Variants in MYO1D observed in about 807,000 individuals in gnomAD.
MYO1D encodes unconventional myosin-Id.
MYO1D carries 83 observed loss-of-function variants against 122.0 expected under a neutral mutation model. That is an observed-to-expected ratio of 0.68 (90% CI 0.57 to 0.82). The LOEUF is 0.82. Ranked by LOEUF, MYO1D falls within the 40% of genes least tolerant of loss-of-function variation. MYO1D has a pLI of 0.00. For missense variants in MYO1D, 1,157 were observed against 1,269.5 expected, an observed-to-expected ratio of 0.91 and a Z score of 1.35; for synonymous variants, 464 against 446.9, an observed-to-expected ratio of 1.04 and a Z score of -0.48.
At chr17:32,691,722 C>A (rs1276542277) in intron 16 of MYO1D, among the ~76,000 whole-genome samples, 2 of 152,144 alleles carry the variant, frequency 1.3e-5, no homozygotes, top group East Asian at 3.9e-4. Flanking sequence ...AAATTTCTTA[C>A]AACTAAAGTT....
chr17:32,754,601 T>C (rs560622981), intron 11 of MYO1D, among the ~76,000 whole-genome samples: 75 of 152,314 alleles, frequency 4.9e-4, no homozygotes, highest in Admixed American at 4.6e-3. Context: ...AGTTAGAAAA[T>C]AGACTTTATT....
chr17:32,839,275 C>T (rs1017388449), intron 1 of MYO1D, among the ~76,000 whole-genome samples: 9 of 151,948 alleles, frequency 5.9e-5, no homozygotes, highest in Non-Finnish European at 8.8e-5. Context: ...TACCTTGGTC[C>T]CAAGGAAGAA....
intron 1 of MYO1D, among the ~76,000 whole-genome samples, chr17:32,867,058 G>C (rs892869827): frequency 5.3e-5 from 8 of 151,938 alleles, no homozygotes; most frequent in Non-Finnish European, 1.0e-4. Flanking sequence ...CTTCTCTGTA[G>C]GAAGCCCTTA....
intron 20 of MYO1D, among the ~76,000 whole-genome samples, chr17:32,632,989 A>C (rs2088042720): frequency 6.6e-6 from 1 of 152,172 alleles, no homozygotes; most frequent in African/African-American, 2.4e-5. Context: ...ACCACAAATT[A>C]CTATCTATGT....
intron 16 of MYO1D, among the ~76,000 whole-genome samples, chr17:32,687,258 G>A (rs1172230123): frequency 4.0e-5 from 6 of 149,090 alleles, no homozygotes; most frequent in African/African-American, 9.9e-5. Context: ...GTGCAGTGGC[G>A]CGATCTCAGC....
intron 16 of MYO1D, among the ~76,000 whole-genome samples, chr17:32,700,277 G>T (rs1039577574): frequency 6.6e-6 from 1 of 152,192 alleles, no homozygotes; most frequent in Non-Finnish European, 1.5e-5. Flanking sequence ...CATAAGGAGT[G>T]TACAACCTAG....
rs560674432 is a variant in MYO1D, at chr17:32,562,998, T to C, written c.2864+42089A>G. On this transcript the variant is annotated intron_variant, in intron 21 of 21. Coordinates refer to ENST00000318217, the MANE Select transcript of MYO1D (RefSeq NM_015194.3). ...TCAATTACCTCTCAGCAGCAATATA[T>C]CAATGCAGAACCTTACTGCATTCTC... Among the ~76,000 whole-genome samples, 4 of 152,242 alleles carry C rather than the reference T, an allele frequency of 2.6e-5. No homozygotes were observed. In the South Asian group the frequency reaches 8.3e-4, roughly 32 times the overall value.
chr17:32,521,049 C>T (rs928209262), intron 21 of MYO1D, among the ~76,000 whole-genome samples: 2 of 152,154 alleles, frequency 1.3e-5, no homozygotes, highest in Admixed American at 1.3e-4. Flanking sequence ...ATTGGCTTAC[C>T]CAAAAGATCA....
At chr17:32,730,890 T>C (rs2089629889) in intron 14 of MYO1D, among the ~76,000 whole-genome samples, 1 of 151,732 alleles carries the variant, frequency 6.6e-6, no homozygotes, top group South Asian at 2.1e-4. Flanking sequence ...CACTTTATTT[T>C]CTCTTCCACG....
chr17:32,511,788 C>T (rs752251892), intron 21 of MYO1D, among the ~76,000 whole-genome samples: 1 of 152,188 alleles, frequency 6.6e-6, no homozygotes, highest in Non-Finnish European at 1.5e-5. Flanking sequence ...AGCACCCACA[C>T]CTTCCTCTGA....
At chr17:32,504,221 C>CG (rs1909417817) in intron 21 of MYO1D, among the ~76,000 whole-genome samples, 2 of 152,182 alleles carry the variant, frequency 1.3e-5, no homozygotes, top group East Asian at 1.9e-4. Flanking sequence ...CTCCCAGGCC[C>CG]GGGGGCGTGA....
chr17:32,810,873 T>C lies in MYO1D; in HGVS notation c.96-30089A>G, dbSNP rs141806078. ...GTTGTCTTTTTTTTTGGTAATTTAA[T>C]ATTTATGAGTCTTTTAAAAAGTAGA... On this transcript the variant is annotated intron_variant, in intron 1 of 21. Transcript: ENST00000318217. Among the ~76,000 whole-genome samples, 56 of 152,362 alleles carry C rather than the reference T, an allele frequency of 3.7e-4. 1 individual carries two copies. In the East Asian group the frequency reaches 0.01, roughly 28 times the overall value.
intron 14 of MYO1D, chr17:32,734,807 C>T (rs1308448036): frequency 6.6e-6 from 1 of 151,952 alleles, no homozygotes; most frequent in African/African-American, 2.4e-5. Context: ...TGGTGGCTCA[C>T]ATCTGCAATG....
chr17:32,640,376 C>T (rs2088178806), intron 19 of MYO1D, among the ~76,000 whole-genome samples: 1 of 151,282 alleles, frequency 6.6e-6, no homozygotes, highest in African/African-American at 2.4e-5. Flanking sequence ...GCACAATGTG[C>T]AGGTTAGTTA....
At chr17:32,731,445 TTC>T (rs1423616607) in intron 14 of MYO1D, among the ~76,000 whole-genome samples, 38 of 152,252 alleles carry the variant, frequency 2.5e-4, no homozygotes, top group Admixed American at 2.5e-3. Flanking sequence ...CATTCTCATA[TTC>T]TCTTTCTGAT....
chr17:32,632,865 G>A (rs1201055258), intron 20 of MYO1D, among the ~76,000 whole-genome samples: 1 of 152,024 alleles, frequency 6.6e-6, no homozygotes, highest in Non-Finnish European at 1.5e-5. Flanking sequence ...CAGACCAATA[G>A]AACAGAGCAG....
At chr17:32,547,701 C>T (rs2086975839) in intron 21 of MYO1D, among the ~76,000 whole-genome samples, 1 of 152,224 alleles carries the variant, frequency 6.6e-6, no homozygotes, top group Admixed American at 6.5e-5. Context: ...AATCCTAGCA[C>T]TTTGGGAGGC....
chr17:32,793,994 A>C (rs923541578), intron 1 of MYO1D, among the ~76,000 whole-genome samples: 3 of 152,240 alleles, frequency 2.0e-5, no homozygotes, highest in Non-Finnish European at 4.4e-5. Flanking sequence ...ATGGCAGGAA[A>C]TATCTTTCTT....
intron 8 of MYO1D, among the ~76,000 whole-genome samples, chr17:32,762,189 GA>G (rs2090008460): frequency 6.6e-6 from 1 of 151,936 alleles, no homozygotes; most frequent in South Asian, 2.1e-4. Context: ...CAAGCAGAGG[GA>G]ACAGATGTGC....
Sources: allele counts gnomAD v4.1 joint callset (sites outside exome capture counted in the v4.1 genomes callset), GRCh38; gene constraint gnomAD v4.1.1; transcripts MANE v1.5; gene names NCBI Gene and HGNC (gene_info 2026-07-23, HGNC 2026-07-21).